The following TRIOBP variants were observed in gnomAD, a reference collection of about 807,000 sequenced individuals.
TRIOBP encodes TRIO and F-actin binding protein, also known as TRIO and F-actin-binding protein.
In TRIOBP, 169 loss-of-function variants were observed where a neutral mutation model predicts 238.8. The ratio of observed to expected loss-of-function variants is 0.71; its 90% CI spans 0.62 to 0.80. The LOEUF is 0.80. Ranked by LOEUF, TRIOBP falls within the 30% of genes least tolerant of loss-of-function variation. The pLI, the probability that TRIOBP is intolerant of heterozygous loss-of-function variation, is 0.00. For synonymous variants in TRIOBP, 1,150 were observed against 1,274.4 expected (o/e 0.90, Z 2.08); for missense variants, 2,838 against 3,122.6 (o/e 0.91, Z 2.17).
intron 3 of TRIOBP, among the ~76,000 whole-genome samples, chr22:37,709,249 G>A (rs1005720946): frequency 2.6e-5 from 4 of 152,348 alleles, no homozygotes; most frequent in Admixed American, 6.5e-5. Flanking sequence ...CGACCAGGCT[G>A]CTGCCTTGGC....
chr22:37,717,349 T>C (rs1020685276), intron 6 of TRIOBP, among the ~76,000 whole-genome samples: 1 of 152,170 alleles, frequency 6.6e-6, no homozygotes, highest in African/African-American at 2.4e-5. Flanking sequence ...GAACAAAGCT[T>C]CCACAGCATG....
rs1924583063 is a variant in TRIOBP, at chr22:37,734,747, A to G, written c.4411A>G (p.Lys1471Glu). 1.2e-6 allele frequency: 2 copies of G among 1,611,324 alleles called. No homozygotes were observed. The highest frequency in any genetic ancestry group is 2.7e-5 in the African/African-American group (2 of 74,838). The part of the protein sequence containing the change: ...GCGEPSLGAA[K>E]APEGAWGGTS... Reference sequence around the variant, plus strand: ...TGGAGAGCCCAGCCTGGGGGCAGCCAAAGCCCCGGAGGGAGCATGGGGGGG... The same window carrying G: ...TGGAGAGCCCAGCCTGGGGGCAGCCGAAGCCCCGGAGGGAGCATGGGGGGG... The change falls in exon 9 of 24, where the codon AAA becomes GAA. Residue 1471 changes from lysine to glutamate, a missense_variant. By Grantham distance (56) the Lys-to-Glu change is moderately conservative. Transcript: ENST00000644935.
chr22:37,727,001 G>GGTTCAAGCGATTCTCCTGC (rs1924203980), intron 7 of TRIOBP, among the ~76,000 whole-genome samples: 1 of 151,774 alleles, frequency 6.6e-6, no homozygotes, highest in Non-Finnish European at 1.5e-5. Flanking sequence ...CCACCTCCTG[G>GGTTCAAGCGATTCTCCTGC]GTTCAAGCGA....
intron 17 of TRIOBP, among the ~76,000 whole-genome samples, chr22:37,761,381 G>A (rs1160433312): frequency 1.3e-5 from 2 of 152,158 alleles, no homozygotes; most frequent in African/African-American, 4.8e-5. Context: ...TTGAACCCGG[G>A]AGGCAGAGGT....
At chr22:37,753,377 C>T (rs1330926096) in intron 12 of TRIOBP, among the ~76,000 whole-genome samples, 3 of 152,066 alleles carry the variant, frequency 2.0e-5, no homozygotes, top group Non-Finnish European at 4.4e-5. Context: ...CGGGTTCAAG[C>T]GATTCTCCTG....
At chr22:37,762,703 G>A (rs964252928) in intron 17 of TRIOBP, among the ~76,000 whole-genome samples, 1 of 152,186 alleles carries the variant, frequency 6.6e-6, no homozygotes, top group Non-Finnish European at 1.5e-5. Flanking sequence ...AGATGCGGAA[G>A]GCAGCAGAGA....
chr22:37,771,174 G>A (rs992419213), intron 21 of TRIOBP, among the ~76,000 whole-genome samples: 2 of 152,214 alleles, frequency 1.3e-5, no homozygotes, highest in Admixed American at 6.5e-5. Context: ...AGCTTTTATA[G>A]CTGGACTGGG....
At chr22:37,767,555 T>C (rs1439714105) in intron 18 of TRIOBP, among the ~76,000 whole-genome samples, 1 of 152,222 alleles carries the variant, frequency 6.6e-6, no homozygotes, top group Non-Finnish European at 1.5e-5. Context: ...ACTGTTGTTA[T>C]CGATCCCTGT....
At chr22:37,713,061 C>T (rs1306050538) in intron 4 of TRIOBP, 149 bp from the exon 5 acceptor site, 2 of 629,968 alleles carry the variant, frequency 3.2e-6, no homozygotes, top group African/African-American at 3.7e-5. Flanking sequence ...TATAAAAAGT[C>T]TGACACAGAG....
intron 11 of TRIOBP, among the ~76,000 whole-genome samples, chr22:37,743,844 T>TGTGC (rs35321886): frequency 3.6e-5 from 4 of 110,214 alleles, no homozygotes; most frequent in East Asian, 2.6e-4. Flanking sequence ...TGTGTGTGTG[T>TGTGC]GCTGGGTGTG....
At chr22:37,726,826 G>A (rs554542861) in intron 7 of TRIOBP, among the ~76,000 whole-genome samples, 1 of 152,260 alleles carries the variant, frequency 6.6e-6, no homozygotes, top group South Asian at 2.1e-4. Context: ...ACCTACCTGA[G>A]CCTCAGTTTC....
intron 6 of TRIOBP, among the ~76,000 whole-genome samples, chr22:37,716,166 C>T (rs1601625109): frequency 1.3e-5 from 2 of 152,124 alleles, no homozygotes; most frequent in Admixed American, 6.6e-5. Flanking sequence ...GGCTAGAGTG[C>T]AGTGGTGTGA....
chr22:37,764,909 G>T (rs1369205862), intron 17 of TRIOBP, among the ~76,000 whole-genome samples: 1 of 152,196 alleles, frequency 6.6e-6, no homozygotes, highest in Non-Finnish European at 1.5e-5. Flanking sequence ...CAGGGGAGAG[G>T]CTGCCCAGAG....
intron 17 of TRIOBP, among the ~76,000 whole-genome samples, chr22:37,763,858 G>C (rs1926357612): frequency 6.6e-6 from 1 of 152,232 alleles, no homozygotes; most frequent in African/African-American, 2.4e-5. Flanking sequence ...CCGCGCTGCA[G>C]CCAAGGCGTG....
rs1391156978 is a variant in TRIOBP, at chr22:37,765,644, G to A, written c.6325-26G>A. On this transcript the variant is annotated intron_variant, in intron 17 of 23. Transcript: ENST00000644935. ...GCTGTCCAGAGGAACGGGGCAGCCTGTGACACCCTGGCGTCCGGCCCACAG... is the reference window on the plus strand; with the variant it reads ...GCTGTCCAGAGGAACGGGGCAGCCTATGACACCCTGGCGTCCGGCCCACAG... The A allele has an allele frequency of 1.5e-5, 23 of 1,548,708 alleles. No homozygotes were observed. In the Admixed American group the frequency reaches 4.3e-4, roughly 29 times the overall value.
At chr22:37,773,152 CCTT>C (rs531416536) in intron 23 of TRIOBP, among the ~76,000 whole-genome samples, 313 of 152,194 alleles carry the variant, frequency 2.1e-3, no homozygotes, top group African/African-American at 6.7e-3. Context: ...TCTTAACACT[CCTT>C]CTTGACTTAG....
Position 37,757,696 on chromosome 22 carries a change from G to A in TRIOBP, c.5771G>A (p.Gly1924Asp). ...CTGAAGGCAGGGGAGCAGCGGGCGG[G>A]CTCTGAGGTCATCAGCCGGGGTGGC... is the stretch of plus-strand genomic sequence containing the variant. Reference protein sequence around the residue: ...GPLKAGEQRAGSEVISRGGPR... With the variant: ...GPLKAGEQRADSEVISRGGPR... Residue 1924 changes from glycine to aspartate, a missense_variant, in exon 16 of 24, where the codon GGC becomes GAC. Gly to Asp is a moderately conservative substitution (Grantham distance 94, BLOSUM62 -1). This residue lies in a region of TRIOBP where 2,096 missense variants were observed against 2,137.4 expected (regional missense o/e 0.98). Coordinates refer to ENST00000644935, the MANE Select transcript of TRIOBP (RefSeq NM_001039141.3). The A allele has an allele frequency of 6.3e-7, 1 of 1,584,510 alleles. No homozygotes were observed. Among genetic ancestry groups the A allele is most frequent in the South Asian group, 1.1e-5 (1 of 87,100 alleles).
Position 37,725,582 on chromosome 22 carries a change from C to G in TRIOBP, c.3026C>G (p.Pro1009Arg), listed in dbSNP as rs765306690. 10 of 1,613,814 alleles carry G rather than the reference C, an allele frequency of 6.2e-6. No homozygotes were observed. The highest frequency in any genetic ancestry group is 3.3e-5 in the Admixed American group (2 of 60,006). Residue 1009 changes from proline (P) to arginine (R), a missense_variant, in exon 7 of 24, where the codon CCC becomes CGC. By Grantham distance (103) the Pro-to-Arg change is moderately radical (BLOSUM62 -2). Around this residue, in one of 5 missense-constraint regions of TRIOBP, gnomAD observed 2,096 missense variants for 2,137.4 expected, o/e 0.98. Coordinates refer to ENST00000644935, the MANE Select transcript of TRIOBP (RefSeq NM_001039141.3). ...GGGGCTCCCCTGACCTCTCCTGAGC[C>G]CTCCCAGCCTCCATGTGCTGTGTGC... ...AYGAPLTSPE[P>R]SQPPCAVCIG...
chr22:37,725,557 G>A lies in TRIOBP; in HGVS notation c.3001G>A (p.Gly1001Arg), dbSNP rs201580923. ...TSSPVYPAAY[G>R]APLTSPEPSQ... is the part of the protein sequence containing the mutation. ...CTCACCTGTGTACCCCGCTGCCTATGGGGCTCCCCTGACCTCTCCTGAGCC... is the reference window on the plus strand; with the variant it reads ...CTCACCTGTGTACCCCGCTGCCTATAGGGCTCCCCTGACCTCTCCTGAGCC... The change falls in exon 7 of 24, where the codon GGG becomes AGG. Residue 1001 changes from glycine to arginine, a missense_variant. Gly to Arg is a moderately radical substitution (Grantham distance 125). Coordinates refer to ENST00000644935, the MANE Select transcript of TRIOBP (RefSeq NM_001039141.3). 3 of 1,613,608 alleles carry A rather than the reference G, an allele frequency of 1.9e-6. No individual in the cohort carries two copies. In the Admixed American group the frequency reaches 5.0e-5, roughly 27 times the overall value.
Sources: gnomAD v4.1 joint callset for allele counts (sites outside exome capture counted in the v4.1 genomes callset) on GRCh38, gnomAD v4.1.1 for gene constraint, gnomAD v4.1.1 regional missense constraint, MANE v1.5 for transcripts, NCBI Gene and HGNC (gene_info 2026-07-23, HGNC 2026-07-21) for gene names.